Variants in NCAM2 observed in about 807,000 individuals in gnomAD.
NCAM2 encodes N-CAM-2.
Under a neutral mutation model 98.1 loss-of-function variants are expected in NCAM2, and 30 were observed. The observed-to-expected ratio is 0.31, with a 90% CI of 0.23 to 0.41. NCAM2 has a LOEUF of 0.41. Ranked by LOEUF, NCAM2 falls within the 10% of genes least tolerant of loss-of-function variation. NCAM2 has a pLI of 1.00. For missense variants in NCAM2, 867 were observed against 1,005.8 expected, an observed-to-expected ratio of 0.86 and a Z score of 1.87; for synonymous variants, 368 against 342.4, an observed-to-expected ratio of 1.07 and a Z score of -0.83.
At chr21:21,403,337 C>G (rs1279192703) in intron 9 of NCAM2, among the ~76,000 whole-genome samples, 2 of 152,116 alleles carry the variant, frequency 1.3e-5, no homozygotes, top group African/African-American at 4.8e-5. Flanking sequence ...TCTGCCTCAT[C>G]CACTAGAATG....
intron 12 of NCAM2, among the ~76,000 whole-genome samples, chr21:21,441,342 T>G (rs956791128): frequency 1.3e-5 from 2 of 152,182 alleles, no homozygotes; most frequent in African/African-American, 4.8e-5. Flanking sequence ...AAGTGATTAC[T>G]CATACCATCA....
At chr21:21,528,164 TA>T (rs752466359) in intron 16 of NCAM2, among the ~76,000 whole-genome samples, 1 of 152,020 alleles carries the variant, frequency 6.6e-6, no homozygotes, top group Non-Finnish European at 1.5e-5. Context: ...CAAAAGACAC[TA>T]AAAAGATCAG....
At chr21:21,433,766 A>G (rs1441748178) in intron 12 of NCAM2, among the ~76,000 whole-genome samples, 1 of 148,458 alleles carries the variant, frequency 6.7e-6, no homozygotes, top group Non-Finnish European at 1.5e-5. Context: ...AAAATAAAAT[A>G]AAATAAAATA....
At chr21:21,426,787 G>A (rs1455072542) in intron 11 of NCAM2, among the ~76,000 whole-genome samples, 1 of 152,096 alleles carries the variant, frequency 6.6e-6, no homozygotes, top group Non-Finnish European at 1.5e-5. Context: ...CTGTATACAT[G>A]TACCTTTCAT....
intron 1 of NCAM2, among the ~76,000 whole-genome samples, chr21:21,061,749 C>T (rs2065328237): frequency 6.6e-6 from 1 of 151,944 alleles, no homozygotes; most frequent in Non-Finnish European, 1.5e-5. Context: ...AACAGTATGC[C>T]TACTTACCAT....
chr21:21,211,259 T>C (rs75169929), intron 1 of NCAM2, among the ~76,000 whole-genome samples: 8,041 of 152,232 alleles, frequency 0.053, 706 homozygotes, highest in African/African-American at 0.18. Context: ...ATCAGAAGCA[T>C]GTCTGACTTC....
chr21:21,068,229 C>T (rs1448347434), intron 1 of NCAM2, among the ~76,000 whole-genome samples: 8 of 144,642 alleles, frequency 5.5e-5, no homozygotes, highest in African/African-American at 2.1e-4. Flanking sequence ...GCCTCCAGGA[C>T]TCAAGAGGTT....
chr21:21,515,546 CT>C (rs1988663408), intron 16 of NCAM2, among the ~76,000 whole-genome samples: 2 of 152,006 alleles, frequency 1.3e-5, no homozygotes, highest in Non-Finnish European at 2.9e-5. Flanking sequence ...AATTGCTTTC[CT>C]AACAAGATAT....
chr21:21,524,232 A>G (rs996165323), intron 16 of NCAM2, among the ~76,000 whole-genome samples: 2 of 152,052 alleles, frequency 1.3e-5, no homozygotes, highest in Non-Finnish European at 2.9e-5. Flanking sequence ...AGGTTTCTAA[A>G]CGGGTATTAC....
At chr21:21,421,122 T>C (rs1019218589) in intron 11 of NCAM2, among the ~76,000 whole-genome samples, 1 of 151,900 alleles carries the variant, frequency 6.6e-6, no homozygotes, top group Non-Finnish European at 1.5e-5. Context: ...ACTTAATAAA[T>C]GACCAGAATT....
intron 1 of NCAM2, among the ~76,000 whole-genome samples, chr21:21,005,963 T>C (rs943608027): frequency 6.6e-6 from 1 of 152,214 alleles, no homozygotes; most frequent in African/African-American, 2.4e-5. Flanking sequence ...TGAGCATTTT[T>C]ACTCATTATC....
At chr21:21,041,657 A>C (rs2146262604) in intron 1 of NCAM2, among the ~76,000 whole-genome samples, 1 of 152,282 alleles carries the variant, frequency 6.6e-6, no homozygotes. Flanking sequence ...GAATATTTTG[A>C]GTTTTTCACA....
At chr21:21,403,147 GT>G (rs552260405) in intron 9 of NCAM2, among the ~76,000 whole-genome samples, 4 of 151,632 alleles carry the variant, frequency 2.6e-5, no homozygotes, top group African/African-American at 4.8e-5. Context: ...CAGATTATGT[GT>G]TTTTTTTGCT....
intron 10 of NCAM2, among the ~76,000 whole-genome samples, chr21:21,411,075 C>CAT: frequency 2.0e-4 from 1 of 4,962 alleles, no homozygotes; most frequent in Middle Eastern, 0.056. Flanking sequence ...TATATACACA[C>CAT]ACATATATAT....
At chr21:21,001,296 C>T (rs1272865272) in intron 1 of NCAM2, among the ~76,000 whole-genome samples, 1 of 151,910 alleles carries the variant, frequency 6.6e-6, no homozygotes, top group Non-Finnish European at 1.5e-5. Flanking sequence ...TAGTAAGACG[C>T]TTTTTTTTAT....
At chr21:21,085,464 A>G (rs1330869236) in intron 1 of NCAM2, among the ~76,000 whole-genome samples, 1 of 151,984 alleles carries the variant, frequency 6.6e-6, no homozygotes, top group Non-Finnish European at 1.5e-5. Context: ...AGTTCCAGCC[A>G]TGTTGCTGTC....
intron 1 of NCAM2, among the ~76,000 whole-genome samples, chr21:21,171,233 A>G (rs1476360369): frequency 2.6e-5 from 4 of 152,220 alleles, no homozygotes; most frequent in African/African-American, 7.2e-5. Context: ...TTAAGGAACT[A>G]TTCCAAACTA....
intron 9 of NCAM2, among the ~76,000 whole-genome samples, chr21:21,378,275 A>G (rs928617598): frequency 1.3e-5 from 2 of 151,832 alleles, no homozygotes; most frequent in Non-Finnish European, 2.9e-5. Context: ...ACCACTTTCT[A>G]TGATGGCCAT....
chr21:21,358,426 A>G (rs2075555032), intron 8 of NCAM2, among the ~76,000 whole-genome samples: 1 of 151,298 alleles, frequency 6.6e-6, no homozygotes, highest in South Asian at 2.1e-4. Flanking sequence ...TATGCCCTAT[A>G]GAGATCCTGT....
Sources: gnomAD v4.1 joint callset for allele counts (sites outside exome capture counted in the v4.1 genomes callset) on GRCh38, gnomAD v4.1.1 for gene constraint, MANE v1.5 for transcripts, NCBI Gene and HGNC (gene_info 2026-07-23, HGNC 2026-07-21) for gene names.